TIPARP: variants seen among roughly 807,000 people sequenced by gnomAD.
The protein encoded by TIPARP is protein mono-ADP-ribosyltransferase TIPARP.
In TIPARP, 12 loss-of-function variants were observed where a neutral mutation model predicts 56.5. The ratio of observed to expected loss-of-function variants is 0.21; its 90% CI spans 0.14 to 0.34. TIPARP has a LOEUF of 0.34. Ranked by LOEUF, TIPARP falls within the 10% of genes least tolerant of loss-of-function variation. The pLI, the probability that TIPARP is intolerant of heterozygous loss-of-function variation, is 1.00. For synonymous variants in TIPARP, 296 were observed against 265.7 expected (o/e 1.11, Z -1.11); for missense variants, 604 against 781.6 (o/e 0.77, Z 2.71).
intron 2 of TIPARP, among the ~76,000 whole-genome samples, chr3:156,686,766 T>C (rs1722438889): frequency 6.6e-6 from 1 of 152,194 alleles, no homozygotes; most frequent in Non-Finnish European, 1.5e-5. Context: ...TTATGATAAC[T>C]ATAACTAGTA....
Sources: gnomAD v4.1 joint callset for allele counts (sites outside exome capture counted in the v4.1 genomes callset) on GRCh38, gnomAD v4.1.1 for gene constraint, MANE v1.5 for transcripts, NCBI Gene and HGNC (gene_info 2026-07-23, HGNC 2026-07-21) for gene names.